The following HRG variants were observed in gnomAD, a reference collection of about 807,000 sequenced individuals.
The protein encoded by HRG is histidine rich glycoprotein.
In HRG, 26 loss-of-function variants were observed where a neutral mutation model predicts 29.5. The ratio of observed to expected loss-of-function variants is 0.88; its 90% CI spans 0.65 to 1.22. The LOEUF (loss-of-function observed/expected upper bound fraction) is 1.22, where lower values mean the gene tolerates loss of function less well. Among genes scored for constraint, HRG ranks in the 50% most tolerant of loss-of-function variants. HRG has a pLI of 0.00. For synonymous variants in HRG, 243 were observed against 240.4 expected (o/e 1.01, Z -0.10); for missense variants, 671 against 654.5 (o/e 1.03, Z -0.28).
At chr3:186,675,865 C>CT (rs56248425) in intron 6 of HRG, among the ~76,000 whole-genome samples, 9,907 of 96,974 alleles carry the variant, frequency 0.1, 1,056 homozygotes, top group African/African-American at 0.23. Flanking sequence ...ATGGCTCTGT[C>CT]TTTTTTTTTT....
intron 5 of HRG, chr3:186,673,781 T>A (rs1464112445): frequency 6.6e-6 from 1 of 152,140 alleles, no homozygotes; most frequent in African/African-American, 2.4e-5. Context: ...CAAAGTCCAG[T>A]GGGATTTTTC....
Position 186,677,485 on chromosome 3 carries a change from C to T in HRG, c.1180C>T (p.His394Tyr). ...HHPHGHHPHG[H>Y]HPHGHHPHGH... ...CCCCCATGGACACCATCCTCATGGA[C>T]ACCACCCCCATGGACACCATCCCCA... Residue 394 changes from histidine (H) to tyrosine (Y), a missense_variant, in exon 7 of 7, where the codon CAC becomes TAC. Coordinates refer to ENST00000232003, the MANE Select transcript of HRG (RefSeq NM_000412.5). The T allele has an allele frequency of 1.3e-6, 2 of 1,595,096 alleles. No individual in the cohort carries two copies. Among genetic ancestry groups the T allele is most frequent in the African/African-American group, 1.3e-5 (1 of 74,396 alleles).
chr3:186,675,626 C>A (rs1425901912), intron 6 of HRG, among the ~76,000 whole-genome samples: 1 of 152,020 alleles, frequency 6.6e-6, no homozygotes, highest in South Asian at 2.1e-4. Context: ...GGCATAGAAT[C>A]TAAGAGGAAT....
chr3:186,671,477 T>G (rs1718788783), intron 3 of HRG, 146 bp from the exon 4 acceptor site: 1 of 827,794 alleles, frequency 1.2e-6, no homozygotes, highest in Non-Finnish European at 2.1e-6. Flanking sequence ...GGTTGCCAAA[T>G]GGCTGATTGA....
chr3:186,675,016 TG>T, intron 5 of HRG, 72 bp from the exon 6 acceptor site: 1 of 961,976 alleles, frequency 1.0e-6, no homozygotes, highest in Non-Finnish European at 1.7e-6. Context: ...TCTGAATGTC[TG>T]GAAGCTAACT....
At chr3:186,669,535 C>G (rs912442417) in intron 2 of HRG, 2 of 355,112 alleles carry the variant, frequency 5.6e-6, no homozygotes, top group Non-Finnish European at 1.1e-5. Flanking sequence ...GGAATAAGAT[C>G]TGGCTTTGCA....
intron 4 of HRG, among the ~76,000 whole-genome samples, chr3:186,672,025 T>C (rs1248707669): frequency 2.0e-5 from 3 of 150,858 alleles, no homozygotes; most frequent in Non-Finnish European, 4.4e-5. Flanking sequence ...TCTGACAGAG[T>C]AGGGAGAAAA....
intron 1 of HRG, chr3:186,666,940 A>T (rs1718630517): frequency 6.6e-6 from 1 of 152,160 alleles, no homozygotes; most frequent in South Asian, 2.1e-4. Flanking sequence ...AGAAGAAAAC[A>T]TACAAATTTA....
At chr3:186,672,531 G>A (rs1239779379) in intron 4 of HRG, among the ~76,000 whole-genome samples, 1 of 152,146 alleles carries the variant, frequency 6.6e-6, no homozygotes, top group Non-Finnish European at 1.5e-5. Context: ...GGAAGAAGTT[G>A]GAGTGCAGGA....
intron 5 of HRG, 86 bp downstream of exon 5, chr3:186,672,953 G>A: frequency 1.1e-6 from 1 of 892,694 alleles, no homozygotes; most frequent in Non-Finnish European, 1.9e-6. Flanking sequence ...GAGAAGGAGA[G>A]GAAGGAGAAG....
At chr3:186,674,521 C>G (rs1718906064) in intron 5 of HRG, 1 of 174,584 alleles carries the variant, frequency 5.7e-6, no homozygotes, top group Admixed American at 5.4e-5. Context: ...CAGCCGTCCT[C>G]TTGTCCTAGT....
In HRG at chr3:186,677,112, GC is replaced by G. The variant is rs1719018030; in HGVS notation, c.808del (p.Arg270ValfsTer169). ...ATCCCTTCCACTGGGGTGGGCATGA[GC>G]GTTCTTCTACCACCAAGCCTCCATT... The part of the protein sequence containing the change: ...GHPFHWGGHE[R>X]SSTTKPPFKP... On this transcript the variant is annotated frameshift_variant, in exon 7 of 7. Transcript: ENST00000232003. LOFTEE classifies it low-confidence loss of function (END_TRUNC). 2 of 1,613,872 alleles carry G rather than the reference GC, an allele frequency of 1.2e-6. No homozygotes were observed. The highest frequency in any genetic ancestry group is 2.7e-5 in the African/African-American group (2 of 74,848).
Position 186,677,161 on chromosome 3 carries a change from C to T in HRG, c.856C>T (p.His286Tyr), listed in dbSNP as rs1394993730. 6.2e-7 allele frequency: 1 copy of T among 1,604,180 alleles called. No homozygotes were observed. Among genetic ancestry groups the T allele is most frequent in the South Asian group, 1.1e-5 (1 of 91,040 alleles). The change falls in exon 7 of 7, where the codon CAT (histidine) becomes TAT (tyrosine). Residue 286 changes from histidine to tyrosine, a missense_variant. By Grantham distance (83) the His-to-Tyr change is moderately conservative. Coordinates refer to ENST00000232003, the MANE Select transcript of HRG (RefSeq NM_000412.5). ...PPFKPHGSRD[H>Y]HHPHKPHEHG... ...ATTCAAGCCCCATGGATCTAGAGAT[C>T]ATCATCATCCCCACAAGCCACACGA...
intron 6 of HRG, among the ~76,000 whole-genome samples, chr3:186,676,385 A>T (rs374583009): frequency 6.6e-6 from 1 of 152,010 alleles, no homozygotes; most frequent in African/African-American, 2.4e-5. Context: ...AAAAATAAGG[A>T]TAATGAAGTT....
Position 186,677,638 on chromosome 3 carries a change from A to G in HRG, c.1333A>G (p.Lys445Glu). 1 of 1,614,158 alleles carries G rather than the reference A, an allele frequency of 6.2e-7. No homozygotes were observed. Among genetic ancestry groups the G allele is most frequent in the Non-Finnish European group, 8.5e-7 (1 of 1,180,016 alleles). The change falls in exon 7 of 7, where the codon AAA becomes GAA. Residue 445 changes from lysine to glutamate, a missense_variant. Physicochemically the swap from Lys to Glu is moderately conservative, Grantham distance 56. Coordinates refer to ENST00000232003, the MANE Select transcript of HRG (RefSeq NM_000412.5). ...GCACTTAAGAAGGCGAGGCCCAGGT[A>G]AAGGACCCCGTCCCTTCCATTGCAG... ...PGHLRRRGPG[K>E]GPRPFHCRQI...
chr3:186,677,459 A>T lies in HRG; in HGVS notation c.1154A>T (p.His385Leu). ...DTHRQHPHGH[H>L]PHGHHPHGHH... ...CATAGACAGCATCCCCATGGACACC[A>T]CCCCCATGGACACCATCCTCATGGA... The change falls in exon 7 of 7, where the codon CAC becomes CTC. Residue 385 changes from histidine to leucine, a missense_variant. His to Leu is a moderately conservative substitution (Grantham distance 99). Coordinates refer to ENST00000232003, the MANE Select transcript of HRG (RefSeq NM_000412.5). 2 of 1,588,240 alleles carry T rather than the reference A, an allele frequency of 1.3e-6. No homozygotes were observed. The highest frequency in any genetic ancestry group is 1.7e-6 in the Non-Finnish European group (2 of 1,167,320).
At chr3:186,672,949 G>C (rs1259137645) in intron 5 of HRG, 82 bp downstream of exon 5, 2 of 905,302 alleles carry the variant, frequency 2.2e-6, no homozygotes, top group Non-Finnish European at 3.7e-6. Context: ...GAAGGAGAAG[G>C]AGAGGAAGGA....
chr3:186,671,022 C>T (rs1309338954), intron 3 of HRG, among the ~76,000 whole-genome samples: 1 of 151,674 alleles, frequency 6.6e-6, no homozygotes, highest in Non-Finnish European at 1.5e-5. Context: ...TATGTTAATG[C>T]TCTGTCTTCC....
Position 186,677,856 on chromosome 3 carries a change from G to GT in HRG, c.1557dup (p.Thr520TyrfsTer18). Reference sequence around the variant, plus strand: ...AGAGTGGGTTTCCACAAGTTTCCATGTTTTTTACACATACATTTCCAAAAT... The same window carrying GT: ...AGAGTGGGTTTCCACAAGTTTCCATGTTTTTTTACACATACATTTCCAAAAT... On this transcript the variant is annotated frameshift_variant, in exon 7 of 7. Coordinates refer to ENST00000232003, the MANE Select transcript of HRG (RefSeq NM_000412.5). LOFTEE classifies it high-confidence loss of function. 1 of 1,613,960 alleles carries GT rather than the reference G, an allele frequency of 6.2e-7. No homozygotes were observed. Among genetic ancestry groups the GT allele is most frequent in the Non-Finnish European group, 8.5e-7 (1 of 1,179,822 alleles).
Sources: gnomAD v4.1 joint callset for allele counts (sites outside exome capture counted in the v4.1 genomes callset) on GRCh38, gnomAD v4.1.1 for gene constraint, MANE v1.5 for transcripts, NCBI Gene and HGNC (gene_info 2026-07-23, HGNC 2026-07-21) for gene names.